ARHGAP45: variants seen among roughly 807,000 people sequenced by gnomAD.
The protein encoded by ARHGAP45 is rho GTPase-activating protein 45.
In ARHGAP45, 56 loss-of-function variants were observed where a neutral mutation model predicts 116.1. The ratio of observed to expected loss-of-function variants is 0.48; its 90% CI spans 0.39 to 0.60. The LOEUF is 0.60. ARHGAP45 is among the 20% of genes least tolerant of loss of function. The probability of loss-of-function intolerance (pLI) is 0.00; values close to 1 mark genes in which losing one functional copy is unlikely to be tolerated. For synonymous variants in ARHGAP45, 866 were observed against 701.7 expected (o/e 1.23, Z -3.70); for missense variants, 1,622 against 1,601.0 (o/e 1.01, Z -0.22).
intron 16 of ARHGAP45, 23 bp downstream of exon 16, chr19:1,080,809 GGA>G (rs1255890214): frequency 8.1e-6 from 13 of 1,612,086 alleles, no homozygotes; most frequent in African/African-American, 1.3e-5. Context: ...TGACGGGGCT[GGA>G]GAGAGAGGGG....
Position 1,068,521 on chromosome 19 carries a change from C to A in ARHGAP45, c.198C>A (p.Thr66=). ...VKATGTLKRP[T]SLSRHASAAG... ...CCACAGGGACCCTCAAGCGGCCCACCAGCCTGAGCCGCCACGCCAGCGCGG... is the reference window on the plus strand; with the variant it reads ...CCACAGGGACCCTCAAGCGGCCCACAAGCCTGAGCCGCCACGCCAGCGCGG... The change falls in exon 2 of 23, where the codon ACC becomes ACA. Residue 66 remains threonine, a synonymous_variant. Coordinates refer to ENST00000313093, the MANE Select transcript of ARHGAP45 (RefSeq NM_012292.5). This position sits in a 1 kb window ranked among gnomAD's most constrained non-coding sequence, Gnocchi z 7.5. 2.5e-6 allele frequency: 4 copies of A among 1,603,794 alleles called. No homozygotes were observed. Among genetic ancestry groups the A allele is most frequent in the Middle Eastern group, 1.8e-4 (1 of 5,630 alleles).
Position 1,074,731 on chromosome 19 carries a change from G to A in ARHGAP45, c.1104+7G>A, listed in dbSNP as rs1478063395. ...GACCCAGACCTTCATGCAGGTGCGT[G>A]GTGCCCGGGAGGGCGGGCTGGGCGG... On this transcript the variant is annotated splice_region_variant and intron_variant, in intron 9 of 22. Coordinates refer to ENST00000313093, the MANE Select transcript of ARHGAP45 (RefSeq NM_012292.5). 47 of 1,604,606 alleles carry A rather than the reference G, an allele frequency of 2.9e-5. No homozygotes were observed. Among genetic ancestry groups the A allele is most frequent in the Non-Finnish European group, 3.7e-5 (44 of 1,176,960 alleles).
At chr19:1,067,043 G>T (rs992736248), upstream of ARHGAP45, 15 of 427,594 alleles carry the variant, frequency 3.5e-5, no homozygotes, top group Non-Finnish European at 4.5e-5. Flanking sequence ...CCCCGTGCCC[G>T]CCAGCGTCAG....
Position 1,068,572 on chromosome 19 carries a change from C to T in ARHGAP45, c.249C>T (p.Ala83=). Residue 83 remains alanine, a synonymous_variant, in exon 2 of 23, where the codon GCC becomes GCT. Transcript: ENST00000313093. This position sits in a 1 kb window ranked among gnomAD's most constrained non-coding sequence, Gnocchi z 7.5. The part of the protein sequence containing the change: ...SAAGFPLSGA[A]SWTLGRSHRS... The stretch of plus-strand genomic sequence containing the variant: ...CTGGCTTCCCCCTGTCGGGTGCTGC[C>T]TCCTGGACACTGGGCCGGAGCCACC... 1 of 1,610,400 alleles carries T rather than the reference C, an allele frequency of 6.2e-7. No homozygotes were observed. The highest frequency in any genetic ancestry group is 8.5e-7 in the Non-Finnish European group (1 of 1,178,742).
Position 1,077,856 on chromosome 19 carries a change from G to A in ARHGAP45, c.1186-1G>A. ...TGGCCTCCTGGCTCCCACACCCACA[G>A]CAAGAGGCGGAGTCCAACCTGCGCA... On this transcript the variant is annotated splice_acceptor_variant, in intron 10 of 22. Transcript: ENST00000313093. LOFTEE classifies it high-confidence loss of function. The A allele has an allele frequency of 6.4e-7, 1 of 1,552,666 alleles. No homozygotes were observed. Among genetic ancestry groups the A allele is most frequent in the Non-Finnish European group, 8.7e-7 (1 of 1,147,862 alleles).
intron 22 of ARHGAP45, among the ~76,000 whole-genome samples, chr19:1,084,590 A>C (rs755629509): frequency 6.6e-6 from 1 of 152,190 alleles, no homozygotes; most frequent in Non-Finnish European, 1.5e-5. Flanking sequence ...AGTAACGTGA[A>C]CGTGGGGCTG....
intron 17 of ARHGAP45, 34 bp from the exon 18 acceptor site, chr19:1,081,491 GGGGGCTGCGCTGAGCTGGGCGCCCC>G: frequency 7.1e-7 from 1 of 1,416,618 alleles, no homozygotes; most frequent in Non-Finnish European, 9.3e-7. Context: ...TGGAGCCGCT[GGGGGCTGCGCTGAGCTGGGCGCCCC>G]GGGGCTGGGC....
intron 10 of ARHGAP45, among the ~76,000 whole-genome samples, chr19:1,076,354 G>C (rs2043247610): frequency 6.6e-6 from 1 of 152,036 alleles, no homozygotes; most frequent in Non-Finnish European, 1.5e-5. Flanking sequence ...TTACATATTA[G>C]AGAACTTAGG....
Position 1,071,714 on chromosome 19 carries a change from C to T in ARHGAP45, c.422-1435C>T, listed in dbSNP as rs1303684643. On this transcript the variant is annotated intron_variant, in intron 2 of 22. Coordinates refer to ENST00000313093, the MANE Select transcript of ARHGAP45 (RefSeq NM_012292.5). The surrounding 1 kb of genome is among the most constrained non-coding windows in gnomAD (Gnocchi z 4.6). ...TCCAGCAGCGAAGACATGTTCCGGT[C>T]CGGGGTCTCAGGCCCGGCGGCGGCC... The T allele has an allele frequency of 2.6e-5, 4 of 152,392 alleles. No homozygotes were observed. The allele number at this position is 152,392 out of a possible 1,614,324, so 9.4% of individuals were successfully genotyped here. A position where few individuals can be genotyped will look rare whatever the true frequency, so the allele number is the denominator to read the frequency against.
rs966598065 is a variant in ARHGAP45, at chr19:1,080,138, C to T, written c.1703+20C>T. 1.2e-6 allele frequency: 2 copies of T among 1,610,816 alleles called. No homozygotes were observed. The highest frequency in any genetic ancestry group is 1.1e-5 in the South Asian group (1 of 90,994). On this transcript the variant is annotated intron_variant, in intron 13 of 22. Transcript: ENST00000313093. ...CGCCTGGTACCGCCACCCAGCTGCC[C>T]TGTCCCCGGCGCACAAGGCCCTGCC...
chr19:1,086,101 GTCC>G lies in ARHGAP45; in HGVS notation c.*97_*99del. The G allele has an allele frequency of 8.5e-7, 1 of 1,173,808 alleles. No homozygotes were observed. The highest frequency in any genetic ancestry group is 1.2e-6 in the Non-Finnish European group (1 of 832,194). The allele number at this position is 1,173,808 out of a possible 1,614,324, so 72.7% of individuals were successfully genotyped here. A position where few individuals can be genotyped will look rare whatever the true frequency, so the allele number is the denominator to read the frequency against. On this transcript the variant is annotated 3_prime_UTR_variant, in exon 23 of 23. Transcript: ENST00000313093. Reference sequence around the variant, plus strand: ...CACCACGGCATAGCTTAGGTGCGCCGTCCTGGGGTCGCTGCCGAGAGCGCCTGG... The same window carrying G: ...CACCACGGCATAGCTTAGGTGCGCCGTGGGGTCGCTGCCGAGAGCGCCTGG...
Position 1,068,235 on chromosome 19 carries a change from T to C in ARHGAP45, c.91-179T>C. ...TTTGTGAAAGCTCTAGGGAAGAGGATGTTGGGTAACAGGTGGGGGGGTACA... is the reference window on the plus strand; with the variant it reads ...TTTGTGAAAGCTCTAGGGAAGAGGACGTTGGGTAACAGGTGGGGGGGTACA... On this transcript the variant is annotated intron_variant, in intron 1 of 22. Coordinates refer to ENST00000313093, the MANE Select transcript of ARHGAP45 (RefSeq NM_012292.5). The surrounding 1 kb of genome is among the most constrained non-coding windows in gnomAD (Gnocchi z 7.5). 3 of 583,516 alleles carry C rather than the reference T, an allele frequency of 5.1e-6. No individual in the cohort carries two copies. Among genetic ancestry groups the C allele is most frequent in the South Asian group, 2.2e-5 (1 of 44,936 alleles). 36.1% of individuals were successfully genotyped at this position (583,516 alleles called of 1,614,324 possible).
rs1256690979 is a variant in ARHGAP45, at chr19:1,086,006, AGCTGGGGTGGG to A, written c.*7_*17del. The stretch of plus-strand genomic sequence containing the variant: ...GGGAAAGGCAGCCGGAATTCGTGTG[AGCTGGGGTGGG>A]GCTGGGACCACAGGTGGCTTCTCTC... On this transcript the variant is annotated 3_prime_UTR_variant, in exon 23 of 23. Coordinates refer to ENST00000313093, the MANE Select transcript of ARHGAP45 (RefSeq NM_012292.5). 5.0e-6 allele frequency: 8 copies of A among 1,610,350 alleles called. No homozygotes were observed. Among genetic ancestry groups the A allele is most frequent in the African/African-American group, 4.0e-5 (3 of 74,858 alleles).
chr19:1,070,324 C>CT (rs2043116195), intron 2 of ARHGAP45, among the ~76,000 whole-genome samples: 1 of 107,356 alleles, frequency 9.3e-6, no homozygotes, highest in Non-Finnish European at 1.9e-5. Flanking sequence ...TTTTTCTTTT[C>CT]TTTTCTTTTT....
chr19:1,077,140 C>T (rs998372117), intron 10 of ARHGAP45: 21 of 985,208 alleles, frequency 2.1e-5, no homozygotes, highest in Middle Eastern at 1.0e-3. Context: ...TTCCTGCCAA[C>T]CTGTGGGCGC....
chr19:1,076,647 C>G (rs1278539071), intron 10 of ARHGAP45, among the ~76,000 whole-genome samples: 1 of 151,972 alleles, frequency 6.6e-6, no homozygotes, highest in Non-Finnish European at 1.5e-5. Context: ...CAGGCGCCAG[C>G]CAACATGCCT....
intron 8 of ARHGAP45, 41 bp downstream of exon 8, chr19:1,074,448 G>A (rs1017795745): frequency 2.7e-6 from 4 of 1,471,562 alleles, no homozygotes; most frequent in South Asian, 2.7e-5. Context: ...CCCTGGGCCC[G>A]GGTGTGAGTC....
rs200425027 is a variant in ARHGAP45, at chr19:1,074,088, C to T, written c.791-16C>T. The T allele has an allele frequency of 2.0e-4, 315 of 1,609,140 alleles. 1 individual carries two copies. The East Asian group carries it at 5.5e-3, about 28-fold the overall frequency. ...CGCGGGTCGGGCCAGGCTGAGCAGG[C>T]CCCCGTTCCCTGCAGGCTGCCTGCC... is the stretch of plus-strand genomic sequence containing the variant. On this transcript the variant is annotated splice_polypyrimidine_tract_variant and intron_variant, in intron 6 of 22. Coordinates refer to ENST00000313093, the MANE Select transcript of ARHGAP45 (RefSeq NM_012292.5).
At position 1,080,388 on chromosome 19, in the gene ARHGAP45, C is replaced by T; in HGVS notation, c.1828+9C>T. ...TGCCAAGGACCACAGGGGTGAGTGTCCGGCGGGGCCCAGGGGCGGACGCTG... is the reference window on the plus strand; with the variant it reads ...TGCCAAGGACCACAGGGGTGAGTGTTCGGCGGGGCCCAGGGGCGGACGCTG... On this transcript the variant is annotated intron_variant, in intron 14 of 22. Coordinates refer to ENST00000313093, the MANE Select transcript of ARHGAP45 (RefSeq NM_012292.5). 1.2e-6 allele frequency: 2 copies of T among 1,607,676 alleles called. No homozygotes were observed. The highest frequency in any genetic ancestry group is 8.5e-7 in the Non-Finnish European group (1 of 1,178,862).
Sources: allele counts gnomAD v4.1 joint callset (sites outside exome capture counted in the v4.1 genomes callset), GRCh38; gene constraint gnomAD v4.1.1; non-coding constraint Gnocchi (gnomAD v3.1); transcripts MANE v1.5; gene names NCBI Gene and HGNC (gene_info 2026-07-23, HGNC 2026-07-21).